The following ALPK2 variants were observed in gnomAD, a reference collection of about 807,000 sequenced individuals.
ALPK2 encodes the protein alpha-protein kinase 2.
Under a neutral mutation model 163.1 loss-of-function variants are expected in ALPK2, and 127 were observed. The observed-to-expected ratio is 0.78, with a 90% CI of 0.67 to 0.90. The LOEUF (loss-of-function observed/expected upper bound fraction) is 0.90, where lower values mean the gene tolerates loss of function less well. ALPK2 is among the 40% of genes least tolerant of loss of function. The pLI is 0.00. For missense variants in ALPK2, 2,360 were observed against 2,589.6 expected (o/e 0.91, Z 1.92); for synonymous variants, 953 against 959.1 (o/e 0.99, Z 0.12).
chr18:58,622,353 AT>A lies in ALPK2; in HGVS notation c.-21+6410del, dbSNP rs1360071165. ...CACAGCAAGACTCTGTCTCAAAAAA[AT>A]AATTAAATACATAAATAAATAAAAC... On this transcript the variant is annotated intron_variant, in intron 1 of 12. Transcript: ENST00000361673. 3.9e-5 allele frequency among the ~76,000 whole-genome samples: 6 copies of A among 152,342 alleles called. 1 individual carries two copies. Among genetic ancestry groups the A allele is most frequent in the African/African-American group, 9.6e-5 (4 of 41,570 alleles).
intron 1 of ALPK2, among the ~76,000 whole-genome samples, chr18:58,617,725 A>G (rs771746186): frequency 2.6e-5 from 4 of 152,184 alleles, no homozygotes; most frequent in Non-Finnish European, 5.9e-5. Context: ...AATGGTATAT[A>G]TGTATGTTGG....
rs1006665823 is a variant in ALPK2 at position 58,487,816 on chromosome 18, A to G, written c.6297-5777T>C. 2.6e-5 allele frequency among the ~76,000 whole-genome samples: 4 copies of G among 152,336 alleles called. No individual in the cohort carries two copies. The East Asian group carries it at 5.8e-4, about 22-fold the overall frequency. On this transcript the variant is annotated intron_variant, in intron 12 of 12. Transcript: ENST00000361673. The stretch of plus-strand genomic sequence containing the variant: ...ACAGGAGGTTAGCTGGAGCCCAGGA[A>G]TACAAGACCAGCCTGGGCAACATAA...
chr18:58,509,697 T>C (rs1011487102), intron 10 of ALPK2, among the ~76,000 whole-genome samples: 7 of 152,178 alleles, frequency 4.6e-5, no homozygotes, highest in African/African-American at 1.7e-4. Context: ...GAGAAGTGTC[T>C]GTTCATATCC....
intron 8 of ALPK2, among the ~76,000 whole-genome samples, chr18:58,522,495 A>G (rs2144131476): frequency 6.6e-6 from 1 of 152,364 alleles, no homozygotes; most frequent in South Asian, 2.1e-4. Context: ...GCCCGGGGAC[A>G]TCACGAGCAT....
intron 12 of ALPK2, among the ~76,000 whole-genome samples, chr18:58,493,420 A>G (rs1271490261): frequency 6.6e-6 from 1 of 151,674 alleles, no homozygotes; most frequent in African/African-American, 2.4e-5. Context: ...CCCACCTCCA[A>G]GTTTGTTTTG....
intron 12 of ALPK2, among the ~76,000 whole-genome samples, chr18:58,495,613 T>G (rs1039093669): frequency 4.6e-5 from 7 of 152,078 alleles, no homozygotes; most frequent in Non-Finnish European, 8.8e-5. Flanking sequence ...AAAAGATGTC[T>G]TCAATAATCA....
chr18:58,527,234 G>A (rs1051529235), intron 6 of ALPK2, among the ~76,000 whole-genome samples: 3 of 152,174 alleles, frequency 2.0e-5, no homozygotes, highest in African/African-American at 7.2e-5. Flanking sequence ...CACAAATGAA[G>A]GGAAACGCTG....
intron 1 of ALPK2, among the ~76,000 whole-genome samples, chr18:58,620,148 G>A (rs1408798491): frequency 2.6e-5 from 4 of 152,154 alleles, no homozygotes; most frequent in African/African-American, 9.7e-5. Context: ...AAAATTAGCC[G>A]GGCATGGTGT....
chr18:58,483,752 A>T (rs1332514615), intron 12 of ALPK2, among the ~76,000 whole-genome samples: 2 of 147,772 alleles, frequency 1.4e-5, no homozygotes, highest in Non-Finnish European at 3.0e-5. Flanking sequence ...TTAAGTAGAG[A>T]CAGGGCTTCA....
At chr18:58,611,522 C>A (rs1004825729) in intron 2 of ALPK2, among the ~76,000 whole-genome samples, 167 bp downstream of exon 2, 1 of 152,062 alleles carries the variant, frequency 6.6e-6, no homozygotes, top group Non-Finnish European at 1.5e-5. Flanking sequence ...TCAAAGAAAT[C>A]TTTTAGAAAC....
At chr18:58,553,742 G>C (rs553632546) in intron 4 of ALPK2, among the ~76,000 whole-genome samples, 1 of 151,288 alleles carries the variant, frequency 6.6e-6, no homozygotes, top group Non-Finnish European at 1.5e-5. Context: ...ACCTTCTGCC[G>C]TGATTGTAAG....
At chr18:58,557,633 CTA>C (rs1216479072) in intron 4 of ALPK2, among the ~76,000 whole-genome samples, 3 of 149,724 alleles carry the variant, frequency 2.0e-5, no homozygotes, top group Non-Finnish European at 4.4e-5. Flanking sequence ...TACGTATAAA[CTA>C]TAGTGTGTGT....
At chr18:58,503,660 C>T (rs1423530273) in intron 11 of ALPK2, among the ~76,000 whole-genome samples, 1 of 152,198 alleles carries the variant, frequency 6.6e-6, no homozygotes, top group African/African-American at 2.4e-5. Flanking sequence ...GATCGTGCCA[C>T]TGTACTCCAG....
chr18:58,535,269 T>A lies in ALPK2; in HGVS notation c.4918A>T (p.Thr1640Ser). 1.2e-6 allele frequency: 2 copies of A among 1,614,178 alleles called. No individual in the cohort carries two copies. The highest frequency in any genetic ancestry group is 1.7e-6 in the Non-Finnish European group (2 of 1,180,030). The change falls in exon 5 of 13, where the codon ACC (threonine) becomes TCC (serine). Residue 1640 changes from threonine (T) to serine (S), a missense_variant. Thr to Ser is a moderately conservative substitution (Grantham distance 58, BLOSUM62 1). Transcript: ENST00000361673. ...GAGCTAGATGAGCTTGGGGGTTTGG[T>A]TTCCCCAATTTGAAGCACCTCTATT... ...PKIEVLQIGE[T>S]KPPSSSSSSA...
chr18:58,532,516 G>C (rs1160414559), intron 5 of ALPK2, among the ~76,000 whole-genome samples: 1 of 152,112 alleles, frequency 6.6e-6, no homozygotes, highest in African/African-American at 2.4e-5. Context: ...TTCTGGCCGA[G>C]GCCCTGAGTT....
chr18:58,524,805 A>G (rs1209835657), intron 6 of ALPK2, among the ~76,000 whole-genome samples: 1 of 152,240 alleles, frequency 6.6e-6, no homozygotes, highest in African/African-American at 2.4e-5. Flanking sequence ...ACTGAGGCAT[A>G]GAAAAATTTA....
chr18:58,622,358 T>G (rs912133639), intron 1 of ALPK2, among the ~76,000 whole-genome samples: 6 of 151,824 alleles, frequency 4.0e-5, no homozygotes, highest in African/African-American at 1.5e-4. Context: ...AAAAAATAAT[T>G]AAATACATAA....
intron 12 of ALPK2, among the ~76,000 whole-genome samples, chr18:58,496,042 A>T (rs566226332): frequency 1.3e-5 from 2 of 152,328 alleles, no homozygotes; most frequent in South Asian, 4.1e-4. Flanking sequence ...CATATAATTT[A>T]TCTTCTAAAT....
rs1236759518 is a variant in ALPK2 at position 58,620,797 on chromosome 18, A to G, written c.-21+7967T>C. 2.0e-5 allele frequency among the ~76,000 whole-genome samples: 3 copies of G among 152,228 alleles called. No homozygotes were observed. The East Asian group carries it at 5.8e-4, about 29-fold the overall frequency. ...AAAAGCTAAATGTCCATCAATAGGA[A>G]TGTGGTTATTGTATATCTAAAGAAT... On this transcript the variant is annotated intron_variant, in intron 1 of 12. Coordinates refer to ENST00000361673, the MANE Select transcript of ALPK2 (RefSeq NM_052947.4).
Sources: allele counts gnomAD v4.1 joint callset (sites outside exome capture counted in the v4.1 genomes callset), GRCh38; gene constraint gnomAD v4.1.1; transcripts MANE v1.5; gene names NCBI Gene and HGNC (gene_info 2026-07-23, HGNC 2026-07-21).